EFHD1: variants seen among roughly 807,000 people sequenced by gnomAD.
EFHD1 encodes the protein EF-hand domain-containing protein D1.
Under a neutral mutation model 17.2 loss-of-function variants are expected in EFHD1, and 10 were observed. The ratio of observed to expected loss-of-function variants is 0.58; its 90% CI spans 0.36 to 0.99. The LOEUF (loss-of-function observed/expected upper bound fraction) is 0.99. Ranked by LOEUF, EFHD1 falls within the 50% of genes least tolerant of loss-of-function variation. The pLI, the probability that EFHD1 is intolerant of heterozygous loss-of-function variation, is 0.01. For missense variants in EFHD1, 310 were observed against 327.5 expected, an observed-to-expected ratio of 0.95 and a Z score of 0.41; for synonymous variants, 153 against 142.0, an observed-to-expected ratio of 1.08 and a Z score of -0.55.
chr2:232,634,178 G>A (rs1694270402), intron 1 of EFHD1, among the ~76,000 whole-genome samples, 172 bp downstream of exon 1: 1 of 152,186 alleles, frequency 6.6e-6, no homozygotes, highest in African/African-American at 2.4e-5. Context: ...CGCGGTGGGG[G>A]ACGGGGCCGA....
At chr2:232,621,514 G>A (rs957241969) in intron 1 of EFHD1, among the ~76,000 whole-genome samples, 3 of 152,104 alleles carry the variant, frequency 2.0e-5, no homozygotes, top group Non-Finnish European at 4.4e-5. Context: ...GTGCAGTGGC[G>A]CAATCTCAGC....
chr2:232,606,914 TA>T (rs140902817), intron 1 of EFHD1, among the ~76,000 whole-genome samples: 10 of 148,020 alleles, frequency 6.8e-5, no homozygotes, highest in South Asian at 2.2e-4. Flanking sequence ...AAATAAAAAT[TA>T]AAAAAAAATA....
At chr2:232,617,169 G>A (rs1290964945) in intron 1 of EFHD1, among the ~76,000 whole-genome samples, 1 of 152,188 alleles carries the variant, frequency 6.6e-6, no homozygotes, top group East Asian at 1.9e-4. Flanking sequence ...CATTCGCGGT[G>A]GTTCAGGGTT....
At chr2:232,664,811 C>T (rs1433002949) in intron 2 of EFHD1, among the ~76,000 whole-genome samples, 2 of 151,412 alleles carry the variant, frequency 1.3e-5, no homozygotes, top group Non-Finnish European at 1.5e-5. Flanking sequence ...GACGGGGTTT[C>T]ACCATGTTAG....
At chr2:232,676,241 A>G (rs1448746177) in intron 3 of EFHD1, among the ~76,000 whole-genome samples, 1 of 152,076 alleles carries the variant, frequency 6.6e-6, no homozygotes, top group Non-Finnish European at 1.5e-5. Context: ...AGGAAAAGTT[A>G]TGAACTGGGT....
intron 2 of EFHD1, among the ~76,000 whole-genome samples, chr2:232,664,628 T>C (rs2106212541): frequency 6.9e-6 from 1 of 144,736 alleles, no homozygotes; most frequent in Non-Finnish European, 1.5e-5. Context: ...TTTTTTTTTT[T>C]TTTGAGATGG....
chr2:232,668,540 G>A (rs577929221), intron 2 of EFHD1, among the ~76,000 whole-genome samples: 23 of 152,290 alleles, frequency 1.5e-4, no homozygotes, highest in African/African-American at 4.3e-4. Flanking sequence ...GCCAAGCCTC[G>A]GGGATGGCGA....
chr2:232,644,942 A>ATTTTTTT (rs752790323), intron 1 of EFHD1, among the ~76,000 whole-genome samples: 2 of 114,384 alleles, frequency 1.7e-5, no homozygotes, highest in African/African-American at 6.9e-5. Context: ...ATGCCTGGCA[A>ATTTTTTT]TTTTTTTTTT....
At chr2:232,669,139 G>A (rs114664565) in intron 2 of EFHD1, among the ~76,000 whole-genome samples, 2 of 152,102 alleles carry the variant, frequency 1.3e-5, no homozygotes, top group African/African-American at 4.8e-5. Context: ...CTGCTGCTTC[G>A]ATCTTTTCCA....
chr2:232,640,672 T>C (rs566641316), intron 1 of EFHD1, among the ~76,000 whole-genome samples: 1 of 152,232 alleles, frequency 6.6e-6, no homozygotes, highest in African/African-American at 2.4e-5. Flanking sequence ...GGGAGGGATG[T>C]CACTCCCCGA....
At chr2:232,663,181 T>A (rs1198782179) in intron 2 of EFHD1, among the ~76,000 whole-genome samples, 4 of 152,124 alleles carry the variant, frequency 2.6e-5, no homozygotes, top group African/African-American at 7.2e-5. Flanking sequence ...AATAAGAAAT[T>A]TGGCGATGTT....
At chr2:232,606,062 G>A in exon 1 of EFHD1, 1 of 1,402,202 alleles carries the variant, frequency 7.1e-7, no homozygotes, top group Non-Finnish European at 9.9e-7. Flanking sequence ...GCCCCGCTAA[G>A]TGCAGGCGGA....
intron 1 of EFHD1, among the ~76,000 whole-genome samples, chr2:232,641,973 C>T (rs1490976214): frequency 6.6e-6 from 1 of 152,200 alleles, no homozygotes; most frequent in Middle Eastern, 3.2e-3. Context: ...AGCCTCGCAG[C>T]TGGCGCTCAC....
At chr2:232,675,490 C>T (rs1378663171) in intron 3 of EFHD1, among the ~76,000 whole-genome samples, 2 of 152,152 alleles carry the variant, frequency 1.3e-5, no homozygotes, top group African/African-American at 4.8e-5. Flanking sequence ...TTAGAACCAC[C>T]TGCACACCGG....
chr2:232,641,731 G>A (rs942182929), intron 1 of EFHD1, among the ~76,000 whole-genome samples: 3 of 152,354 alleles, frequency 2.0e-5, no homozygotes, highest in Non-Finnish European at 2.9e-5. Flanking sequence ...CTAGGCAGTC[G>A]CTTTAGAATC....
At chr2:232,649,207 A>T (rs1694589927) in intron 1 of EFHD1, among the ~76,000 whole-genome samples, 1 of 152,322 alleles carries the variant, frequency 6.6e-6, no homozygotes, top group Admixed American at 6.5e-5. Flanking sequence ...TCCTCTTGCT[A>T]GCTGGCCCTG....
intron 1 of EFHD1, among the ~76,000 whole-genome samples, chr2:232,627,011 C>CCTCT (rs1694111929): frequency 1.4e-5 from 1 of 72,692 alleles, no homozygotes; most frequent in African/African-American, 4.5e-5. Flanking sequence ...ATAGTGAGAT[C>CCTCT]CTGTCTCTCT....
intron 2 of EFHD1, among the ~76,000 whole-genome samples, chr2:232,671,942 A>C (rs532000594): frequency 2.0e-5 from 3 of 150,916 alleles, no homozygotes; most frequent in African/African-American, 7.3e-5. Flanking sequence ...CTGTAATCCC[A>C]GCTACTCGGG....
chr2:232,669,767 A>G (rs2106215606), intron 2 of EFHD1, among the ~76,000 whole-genome samples: 1 of 152,090 alleles, frequency 6.6e-6, no homozygotes, highest in South Asian at 2.1e-4. Context: ...CGCCCGGCTA[A>G]TCTTTGTATT....
Sources: allele counts gnomAD v4.1 joint callset (sites outside exome capture counted in the v4.1 genomes callset), GRCh38; gene constraint gnomAD v4.1.1; transcripts MANE v1.5; gene names NCBI Gene and HGNC (gene_info 2026-07-23, HGNC 2026-07-21).